The following CD1B variants were observed in gnomAD, a reference collection of about 807,000 sequenced individuals.
The protein encoded by CD1B is CD1b molecule, also known as T-cell surface glycoprotein CD1b.
CD1B carries 43 observed loss-of-function variants against 39.8 expected under a neutral mutation model. That is an observed-to-expected ratio of 1.08 (90% CI 0.85 to 1.39). The LOEUF is 1.39. Among genes scored for constraint, CD1B ranks in the 40% most tolerant of loss-of-function variants. The probability of loss-of-function intolerance (pLI) is 0.00; values close to 1 mark genes in which losing one functional copy is unlikely to be tolerated. For synonymous variants in CD1B, 192 were observed against 152.5 expected, an observed-to-expected ratio of 1.26 and a Z score of -1.91; for missense variants, 495 against 403.8, an observed-to-expected ratio of 1.23 and a Z score of -1.94.
the CD1B span, among the ~76,000 whole-genome samples, chr1:158,308,477 A>T: frequency 2.0e-5 from 3 of 152,210 alleles, no homozygotes; most frequent in East Asian, 1.9e-4. Context: ...ATTGGAAAAA[A>T]CTACTTTAAA....
At chr1:158,331,227 C>A in intron 1 of CD1B, 136 bp downstream of exon 1, 1 of 1,086,164 alleles carries the variant, frequency 9.2e-7, no homozygotes, top group Admixed American at 2.1e-5. Context: ...TAGTCCCAAC[C>A]ACCAGAATGG....
the CD1B span, among the ~76,000 whole-genome samples, chr1:158,308,349 A>G: frequency 1.3e-5 from 2 of 152,224 alleles, 1 homozygote; most frequent in South Asian, 4.1e-4. Flanking sequence ...AACAAATGGA[A>G]GAACATTCCA....
chr1:158,309,387 T>C, the CD1B span, among the ~76,000 whole-genome samples: 1 of 152,204 alleles, frequency 6.6e-6, no homozygotes, highest in Non-Finnish European at 1.5e-5. Flanking sequence ...TTGGTGGGAC[T>C]GTAAACTAGT....
At position 158,329,546 on chromosome 1, in the gene CD1B, A is replaced by T. The variant is rs1652500197; in HGVS notation, c.710T>A (p.Met237Lys). The change falls in exon 4 of 6, where the codon ATG (methionine) becomes AAG (lysine). Residue 237 changes from methionine to lysine, a missense_variant. By Grantham distance (95) the Met-to-Lys change is moderately conservative. Transcript: ENST00000368168. ...SGFYPKPVWVMWMRGEQEQQG... is the reference protein window; with the variant it reads ...SGFYPKPVWVKWMRGEQEQQG... ...CTGCTCCTGCTCACCCCGCATCCAC[A>T]TCACCCACACGGGCTTTGGGTAGAA... The T allele has an allele frequency of 2.5e-6, 4 of 1,613,982 alleles. No homozygotes were observed. The highest frequency in any genetic ancestry group is 3.4e-6 in the Non-Finnish European group (4 of 1,180,036).
chr1:158,289,379 T>C, the CD1B span, among the ~76,000 whole-genome samples: 1 of 152,240 alleles, frequency 6.6e-6, no homozygotes, highest in African/African-American at 2.4e-5. Flanking sequence ...TATGGTCCTA[T>C]GCATTCTGAA....
At chr1:158,317,139 T>A in the CD1B span, among the ~76,000 whole-genome samples, 1 of 152,052 alleles carries the variant, frequency 6.6e-6, no homozygotes, top group Non-Finnish European at 1.5e-5. Context: ...TGGTTGTGTC[T>A]CTGCCCGGCT....
At chr1:158,325,551 T>C (rs1337816743), downstream of CD1B, among the ~76,000 whole-genome samples, 1 of 152,154 alleles carries the variant, frequency 6.6e-6, no homozygotes, top group Non-Finnish European at 1.5e-5. Flanking sequence ...CATGTTTAAT[T>C]GTAGAGAAGT....
At chr1:158,330,427 C>A in intron 2 of CD1B, 1 of 560,976 alleles carries the variant, frequency 1.8e-6, no homozygotes, top group South Asian at 2.0e-5. Flanking sequence ...AGGTTCCCAG[C>A]AAGAGGAGGG....
chr1:158,305,429 T>C, the CD1B span, among the ~76,000 whole-genome samples: 8 of 152,204 alleles, frequency 5.3e-5, no homozygotes, highest in Non-Finnish European at 8.8e-5. Context: ...TATGGGACTA[T>C]GTGAAAAGAC....
the CD1B span, chr1:158,292,924 T>G: frequency 6.3e-7 from 1 of 1,578,944 alleles, no homozygotes; most frequent in Non-Finnish European, 8.6e-7. Context: ...AGCCTAGAGG[T>G]TAGGGGAGAG....
chr1:158,328,863 T>C (rs1198146940), intron 5 of CD1B, 58 bp downstream of exon 5: 2 of 1,165,048 alleles, frequency 1.7e-6, no homozygotes, highest in Non-Finnish European at 2.5e-6. Context: ...TAAAAAACAG[T>C]GGAAGGGTGA....
the CD1B span, among the ~76,000 whole-genome samples, chr1:158,306,404 A>G: frequency 1.3e-5 from 2 of 152,322 alleles, no homozygotes; most frequent in East Asian, 1.9e-4. Flanking sequence ...TATCCACCCA[A>G]TACAGGAGCA....
downstream of CD1B, among the ~76,000 whole-genome samples, chr1:158,324,676 T>A (rs1209838706): frequency 3.3e-5 from 5 of 152,212 alleles, no homozygotes; most frequent in East Asian, 9.7e-4. Flanking sequence ...TTTTAGGTTT[T>A]CCCCCTTAGA....
chr1:158,287,283 G>GCACACACACACA, the CD1B span, among the ~76,000 whole-genome samples: 6 of 149,080 alleles, frequency 4.0e-5, no homozygotes, highest in African/African-American at 1.5e-4. Flanking sequence ...CATGGTGGGT[G>GCACACACACACA]CACACACACA....
the CD1B span, among the ~76,000 whole-genome samples, chr1:158,310,451 A>G: frequency 1.3e-5 from 2 of 152,162 alleles, no homozygotes; most frequent in Admixed American, 1.3e-4. Context: ...ACTGCAATGT[A>G]AACAAAAATT....
At chr1:158,317,715 TG>T in the CD1B span, among the ~76,000 whole-genome samples, 1 of 152,218 alleles carries the variant, frequency 6.6e-6, no homozygotes, top group African/African-American at 2.4e-5. Flanking sequence ...CTTTTGAATG[TG>T]TTTGCTCTTG....
chr1:158,320,872 A>T, the CD1B span, among the ~76,000 whole-genome samples: 1 of 152,154 alleles, frequency 6.6e-6, no homozygotes, highest in Admixed American at 6.6e-5. Flanking sequence ...GTTGAAAAAA[A>T]CATTTTTTGA....
At chr1:158,326,115 T>C (rs1003183248), downstream of CD1B, among the ~76,000 whole-genome samples, 10 of 152,148 alleles carry the variant, frequency 6.6e-5, no homozygotes, top group Admixed American at 2.0e-4. Context: ...GGACTACAGG[T>C]GCCCACCATC....
chr1:158,316,773 A>G, the CD1B span, among the ~76,000 whole-genome samples: 1 of 151,762 alleles, frequency 6.6e-6, no homozygotes, highest in Non-Finnish European at 1.5e-5. Context: ...TTGCCCATTC[A>G]GTATGATATT....
Sources: gnomAD v4.1 joint callset for allele counts (sites outside exome capture counted in the v4.1 genomes callset) on GRCh38, gnomAD v4.1.1 for gene constraint, MANE v1.5 for transcripts, NCBI Gene and HGNC (gene_info 2026-07-23, HGNC 2026-07-21) for gene names.